ATP6V1A: variants seen among roughly 807,000 people sequenced by gnomAD.
ATP6V1A encodes ATPase H+ transporting V1 subunit A.
ATP6V1A carries 18 observed loss-of-function variants against 70.1 expected under a neutral mutation model. The observed-to-expected ratio is 0.26, with a 90% confidence interval of 0.18 to 0.38. The LOEUF (loss-of-function observed/expected upper bound fraction) is 0.38, where lower values mean the gene tolerates loss of function less well. ATP6V1A is among the 10% of genes least tolerant of loss of function. ATP6V1A has a pLI of 1.00. For synonymous variants in ATP6V1A, 232 were observed against 253.8 expected (o/e 0.91, Z 0.82); for missense variants, 424 against 772.4 (o/e 0.55, Z 5.35).
chr3:113,761,523 G>A (rs1708705159), intron 1 of ATP6V1A, among the ~76,000 whole-genome samples: 1 of 152,032 alleles, frequency 6.6e-6, no homozygotes, highest in Non-Finnish European at 1.5e-5. Context: ...GATCACCTGA[G>A]GTCGGGAGTT....
At chr3:113,798,190 C>T in intron 11 of ATP6V1A, 53 bp from the exon 12 acceptor site, 1 of 1,575,440 alleles carries the variant, frequency 6.3e-7, no homozygotes, top group Non-Finnish European at 8.7e-7. Context: ...TATTTTTTAA[C>T]TTTGTTTTTT....
intron 1 of ATP6V1A, among the ~76,000 whole-genome samples, chr3:113,775,548 A>G (rs1264481204): frequency 6.6e-6 from 1 of 150,646 alleles, no homozygotes; most frequent in Non-Finnish European, 1.5e-5. Flanking sequence ...CATTTAAGGA[A>G]ATTTGTAATG....
chr3:113,761,186 C>T (rs1450812512), intron 1 of ATP6V1A, among the ~76,000 whole-genome samples: 2 of 151,482 alleles, frequency 1.3e-5, no homozygotes, highest in East Asian at 3.9e-4. Flanking sequence ...GCGTGATCCT[C>T]CCACCTCAGC....
chr3:113,754,031 CGT>C (rs1708619737), intron 1 of ATP6V1A, among the ~76,000 whole-genome samples: 1 of 151,928 alleles, frequency 6.6e-6, no homozygotes, highest in African/African-American at 2.4e-5. Context: ...TGGTTGTCAC[CGT>C]TGGAAAGAGG....
At chr3:113,754,475 A>G (rs988040248) in intron 1 of ATP6V1A, among the ~76,000 whole-genome samples, 4 of 152,122 alleles carry the variant, frequency 2.6e-5, no homozygotes, top group African/African-American at 4.8e-5. Flanking sequence ...TCAAGGTTTC[A>G]GTGAACTGCG....
chr3:113,807,472 C>T (rs982834517), intron 14 of ATP6V1A, among the ~76,000 whole-genome samples: 34 of 152,188 alleles, frequency 2.2e-4, no homozygotes, highest in Middle Eastern at 3.4e-3. Context: ...TGAGCCACTA[C>T]GCTAAACCAA....
At chr3:113,757,699 G>A (rs1488432672) in intron 1 of ATP6V1A, among the ~76,000 whole-genome samples, 2 of 152,188 alleles carry the variant, frequency 1.3e-5, no homozygotes, top group Non-Finnish European at 2.9e-5. Flanking sequence ...ACCAGAGAGT[G>A]CCCACACAGC....
At chr3:113,801,918 C>CAA (rs1383140385) in intron 12 of ATP6V1A, among the ~76,000 whole-genome samples, 1,373 of 73,860 alleles carry the variant, frequency 0.019, 28 homozygotes, top group African/African-American at 0.063. Context: ...AAGGGATTTA[C>CAA]AAAAAAAAAA....
chr3:113,781,187 T>G lies in ATP6V1A; in HGVS notation c.211+9T>G. On this transcript the variant is annotated intron_variant, in intron 3 of 14. Coordinates refer to ENST00000273398, the MANE Select transcript of ATP6V1A (RefSeq NM_001690.4). ...GGTGTATGAAGAAACTTGTATCCTT[T>G]TTGGCTCAATTTCCTGCCACTTTCT... is the stretch of plus-strand genomic sequence containing the variant. 6.3e-7 allele frequency: 1 copy of G among 1,598,090 alleles called. No individual in the cohort carries two copies. Among genetic ancestry groups the G allele is most frequent in the Non-Finnish European group, 8.5e-7 (1 of 1,173,482 alleles).
chr3:113,751,791 A>G (rs1305378241), intron 1 of ATP6V1A, among the ~76,000 whole-genome samples: 1 of 151,668 alleles, frequency 6.6e-6, no homozygotes, highest in Non-Finnish European at 1.5e-5. Flanking sequence ...TCGTAGTAAC[A>G]TATTTATTTT....
intron 1 of ATP6V1A, among the ~76,000 whole-genome samples, chr3:113,768,592 C>CTTTTTTTT (rs34915547): frequency 9.7e-6 from 1 of 103,392 alleles, no homozygotes; most frequent in Admixed American, 1.2e-4. Flanking sequence ...TAGCCTGTAT[C>CTTTTTTTT]TTTTTTTTTT....
At chr3:113,799,568 A>C (rs1008306555) in intron 12 of ATP6V1A, among the ~76,000 whole-genome samples, 24 of 152,206 alleles carry the variant, frequency 1.6e-4, no homozygotes, top group Non-Finnish European at 2.6e-4. Flanking sequence ...CAGAGATCAT[A>C]ACCAATGATG....
At chr3:113,761,032 A>G in intron 1 of ATP6V1A, among the ~76,000 whole-genome samples, 1 of 151,832 alleles carries the variant, frequency 6.6e-6, no homozygotes, top group Non-Finnish European at 1.5e-5. Flanking sequence ...GCGCCACTGC[A>G]CTCCAGCCTG....
chr3:113,795,509 G>A (rs540398673), intron 10 of ATP6V1A, among the ~76,000 whole-genome samples: 142 of 151,504 alleles, frequency 9.4e-4, no homozygotes, highest in African/African-American at 2.5e-3. Context: ...ATTGCATCAC[G>A]GTAAAAAGAA....
At chr3:113,795,264 G>GA (rs1161694887) in intron 10 of ATP6V1A, 60 bp downstream of exon 10, 2 of 1,526,950 alleles carry the variant, frequency 1.3e-6, no homozygotes, top group African/African-American at 2.8e-5. Context: ...ATTAAAGAGA[G>GA]AAAAAAAGTC....
Position 113,810,047 on chromosome 3 carries a change from T to C in ATP6V1A, c.*620T>C, listed in dbSNP as rs1709323006. ...TATTTTTATTTTTTATTTTTTTTAT[T>C]ATTTTTTTTTTGGGGACGGAGTGTC... On this transcript the variant is annotated 3_prime_UTR_variant, in exon 15 of 15. Transcript: ENST00000273398. The C allele has an allele frequency of 6.6e-6, 1 of 151,812 alleles. No individual in the cohort carries two copies. The highest frequency in any genetic ancestry group is 1.5e-5 in the Non-Finnish European group (1 of 67,994). 9.4% of individuals were successfully genotyped at this position (151,812 alleles called of 1,614,324 possible).
chr3:113,767,366 T>C (rs970892211), intron 1 of ATP6V1A, among the ~76,000 whole-genome samples: 2 of 152,144 alleles, frequency 1.3e-5, no homozygotes, highest in African/African-American at 2.4e-5. Context: ...AGATTACAGG[T>C]GTAAGCCACT....
At chr3:113,762,726 C>T (rs1426699571) in intron 1 of ATP6V1A, among the ~76,000 whole-genome samples, 1 of 151,948 alleles carries the variant, frequency 6.6e-6, no homozygotes, top group African/African-American at 2.4e-5. Context: ...GAATTGTAGA[C>T]TATTTAACAT....
intron 3 of ATP6V1A, among the ~76,000 whole-genome samples, chr3:113,782,939 T>C (rs180994638): frequency 6.6e-6 from 1 of 152,216 alleles, no homozygotes; most frequent in Non-Finnish European, 1.5e-5. Flanking sequence ...TAAAAGTATG[T>C]GTATTCTAGA....
Sources: allele counts gnomAD v4.1 joint callset (sites outside exome capture counted in the v4.1 genomes callset), GRCh38; gene constraint gnomAD v4.1.1; transcripts MANE v1.5; gene names NCBI Gene and HGNC (gene_info 2026-07-23, HGNC 2026-07-21).